Variants in TRPC5 observed in about 807,000 individuals in gnomAD.
The protein encoded by TRPC5 is short transient receptor potential channel 5.
TRPC5 carries 9 observed loss-of-function variants against 56.5 expected under a neutral mutation model. The observed-to-expected ratio is 0.16, with a 90% confidence interval of 0.10 to 0.28. The LOEUF is 0.28. Ranked by LOEUF, TRPC5 falls within the 10% of genes least tolerant of loss-of-function variation. The pLI is 1.00. For missense variants in TRPC5, 469 were observed against 748.9 expected (o/e 0.63, Z 4.36); for synonymous variants, 282 against 278.5 (o/e 1.01, Z -0.13).
chrX:111,857,993 T>C (rs1923288958), intron 3 of TRPC5, among the ~76,000 whole-genome samples: 1 of 112,710 alleles, frequency 8.9e-6, no homozygotes, highest in Admixed American at 9.3e-5. Context: ...TGATTTTCAA[T>C]TTGGCTCAAG....
intron 3 of TRPC5, among the ~76,000 whole-genome samples, chrX:111,874,194 G>A (rs12010720): frequency 1.8e-5 from 2 of 112,264 alleles, no homozygotes; most frequent in African/African-American, 3.3e-5. Flanking sequence ...CTTCAGTGGT[G>A]AGAATCTCAT....
chrX:111,957,743 C>G (rs1002646426), intron 1 of TRPC5, among the ~76,000 whole-genome samples: 6 of 112,128 alleles, frequency 5.4e-5, no homozygotes, highest in African/African-American at 1.9e-4. Flanking sequence ...TTGTCACGCC[C>G]AGAGCACTTG....
At chrX:111,949,067 T>C (rs1165952871) in intron 2 of TRPC5, among the ~76,000 whole-genome samples, 1 of 111,710 alleles carries the variant, frequency 9.0e-6, no homozygotes, top group Non-Finnish European at 1.9e-5. Context: ...ATCTGCATAA[T>C]AAGAAAACAT....
chrX:112,049,440 C>T (rs191247416), intron 1 of TRPC5, among the ~76,000 whole-genome samples: 1 of 105,365 alleles, frequency 9.5e-6, no homozygotes, highest in African/African-American at 3.4e-5. Flanking sequence ...TATACACACA[C>T]ACACACACAC....
intron 1 of TRPC5, among the ~76,000 whole-genome samples, chrX:112,062,447 G>A (rs1014947377): frequency 3.6e-5 from 4 of 111,627 alleles, no homozygotes; most frequent in African/African-American, 1.3e-4. Context: ...ACTCAGAGGA[G>A]GGAGCAATAA....
chrX:112,032,850 T>A (rs1017370202), intron 1 of TRPC5, among the ~76,000 whole-genome samples: 1 of 111,739 alleles, frequency 8.9e-6, no homozygotes, highest in Non-Finnish European at 1.9e-5. Flanking sequence ...TGGTTTTGAT[T>A]TTCATTTCTC....
chrX:111,916,415 C>T (rs1569528095), intron 2 of TRPC5, among the ~76,000 whole-genome samples: 2 of 111,838 alleles, frequency 1.8e-5, no homozygotes, highest in Non-Finnish European at 3.8e-5. Flanking sequence ...TTCCTTCTAC[C>T]CCTTCTGCTT....
chrX:111,995,699 T>G (rs1284408045), intron 1 of TRPC5, among the ~76,000 whole-genome samples: 1 of 111,822 alleles, frequency 8.9e-6, no homozygotes, highest in Non-Finnish European at 1.9e-5. Flanking sequence ...TCTGGGAACC[T>G]GTATGTGTCC....
In TRPC5 at chrX:111,775,935, T is replaced by G. The variant is rs1280453009; in HGVS notation, c.*378A>C. On this transcript the variant is annotated 3_prime_UTR_variant, in exon 11 of 11. Coordinates refer to ENST00000262839, the MANE Select transcript of TRPC5 (RefSeq NM_012471.3). ...GCTCTGCGGGAAAATGGCATGAGAT[T>G]CTGAGGATGGTCAGGAATCTGTGCG... is the stretch of plus-strand genomic sequence containing the variant. The G allele has an allele frequency of 3.8e-5, 5 of 132,842 alleles. No homozygotes were observed. In the Admixed American group the frequency reaches 4.2e-4, roughly 11 times the overall value. 10.9% of individuals were successfully genotyped at this position (132,842 alleles called of 1,213,427 possible). A position where few individuals can be genotyped will look rare whatever the true frequency, so the allele number is the denominator to read the frequency against.
intron 3 of TRPC5, among the ~76,000 whole-genome samples, chrX:111,890,467 G>A (rs1924748256): frequency 2.7e-5 from 3 of 111,787 alleles, no homozygotes; most frequent in Admixed American, 1.9e-4. Flanking sequence ...GATGTGCATA[G>A]GTTATATGCA....
In TRPC5 at chrX:111,855,813, A is replaced by T. The variant is rs981542777; in HGVS notation, c.901-1707T>A. ...TACAGAAAAGTCAGAGTAAAGCAAG[A>T]CCTTTGCAGTAGAAGAACTGCTGGG... On this transcript the variant is annotated intron_variant, in intron 3 of 10. Coordinates refer to ENST00000262839, the MANE Select transcript of TRPC5 (RefSeq NM_012471.3). 2.7e-5 allele frequency among the ~76,000 whole-genome samples: 3 copies of T among 112,330 alleles called. No homozygotes were observed. The Admixed American group carries it at 2.8e-4, about 11-fold the overall frequency.
intron 3 of TRPC5, among the ~76,000 whole-genome samples, chrX:111,882,717 TA>T (rs1254085386): frequency 8.9e-6 from 1 of 112,655 alleles, no homozygotes; most frequent in Non-Finnish European, 1.9e-5. Context: ...TAAGCCCACC[TA>T]AGGCCTACTC....
At position 111,773,813 on chromosome X, in the gene TRPC5, G is replaced by C. The variant is rs1296965862; in HGVS notation, c.*2500C>G. On this transcript the variant is annotated 3_prime_UTR_variant, in exon 11 of 11. Coordinates refer to ENST00000262839, the MANE Select transcript of TRPC5 (RefSeq NM_012471.3). ...TCAAGTTGGCTTATAACTCCTCTGG[G>C]GTCAGAGGATATACCTAAGCATTTT... is the stretch of plus-strand genomic sequence containing the variant. 9.0e-6 allele frequency among the ~76,000 whole-genome samples: 1 copy of C among 110,853 alleles called. No individual in the cohort carries two copies. Among genetic ancestry groups the C allele is most frequent in the African/African-American group, 3.3e-5 (1 of 30,458 alleles).
chrX:111,915,568 T>C (rs978295052), intron 2 of TRPC5, among the ~76,000 whole-genome samples: 43 of 112,226 alleles, frequency 3.8e-4, no homozygotes, highest in African/African-American at 1.4e-3. Flanking sequence ...TATCTCTTGC[T>C]GCCCGCTCAA....
intron 1 of TRPC5, among the ~76,000 whole-genome samples, chrX:112,009,357 C>T (rs753019946): frequency 3.0e-4 from 33 of 111,297 alleles, no homozygotes; most frequent in Non-Finnish European, 5.8e-4. Context: ...TAGGCTGCTT[C>T]GGGTATCTTC....
At chrX:111,879,179 C>T (rs1334391806) in intron 3 of TRPC5, among the ~76,000 whole-genome samples, 1 of 111,834 alleles carries the variant, frequency 8.9e-6, no homozygotes, top group African/African-American at 3.3e-5. Flanking sequence ...TGCTGGTAGC[C>T]TCCTCAGAGA....
At chrX:111,792,286 A>C (rs764963906) in intron 7 of TRPC5, among the ~76,000 whole-genome samples, 6 of 110,392 alleles carry the variant, frequency 5.4e-5, no homozygotes, top group Non-Finnish European at 1.1e-4. Context: ...AGAGGGGAAC[A>C]TCACATACCA....
intron 1 of TRPC5, among the ~76,000 whole-genome samples, chrX:111,958,012 G>A (rs1354622894): frequency 1.8e-5 from 2 of 111,521 alleles, no homozygotes; most frequent in Non-Finnish European, 3.8e-5. Context: ...AATGATCTAG[G>A]GATGGTCTTT....
At chrX:111,996,652 G>A (rs973037827) in intron 1 of TRPC5, among the ~76,000 whole-genome samples, 7 of 111,425 alleles carry the variant, frequency 6.3e-5, no homozygotes, top group Non-Finnish European at 1.9e-5. Context: ...CTTGCTTTAT[G>A]AATCTGGGTG....
Sources: allele counts gnomAD v4.1 joint callset (sites outside exome capture counted in the v4.1 genomes callset), GRCh38; gene constraint gnomAD v4.1.1; transcripts MANE v1.5; gene names NCBI Gene and HGNC (gene_info 2026-07-23, HGNC 2026-07-21).